NTM: variants seen among roughly 807,000 people sequenced by gnomAD.
NTM encodes IgLON family member 2.
A neutral mutation model predicts 42.1 loss-of-function variants in NTM; 13 were observed. The observed-to-expected ratio is 0.31, with a 90% CI of 0.20 to 0.49. NTM has a LOEUF of 0.49. NTM is among the 20% of genes least tolerant of loss of function. NTM has a pLI of 0.99. For missense variants in NTM, 373 were observed against 452.8 expected (o/e 0.82, Z 1.60); for synonymous variants, 187 against 179.2 (o/e 1.04, Z -0.35).
At chr11:131,593,585 G>C (rs2059570090) in intron 1 of NTM, among the ~76,000 whole-genome samples, 1 of 152,156 alleles carries the variant, frequency 6.6e-6, no homozygotes. Flanking sequence ...TTCCCCATTA[G>C]AGCTTTGTAA....
At chr11:131,736,990 C>G (rs946888345) in intron 1 of NTM, among the ~76,000 whole-genome samples, 5 of 152,218 alleles carry the variant, frequency 3.3e-5, no homozygotes, top group African/African-American at 1.2e-4. Context: ...CATACAGTGA[C>G]TCTCCTCAGG....
chr11:132,300,978 C>T (rs2094825148), intron 4 of NTM, among the ~76,000 whole-genome samples: 1 of 152,136 alleles, frequency 6.6e-6, no homozygotes, highest in African/African-American at 2.4e-5. Flanking sequence ...TGAAGAAGGC[C>T]TTCCCCAGTT....
At chr11:132,082,118 G>A (rs1409529326) in intron 2 of NTM, among the ~76,000 whole-genome samples, 1 of 151,340 alleles carries the variant, frequency 6.6e-6, no homozygotes, top group East Asian at 1.9e-4. Context: ...AAACACTTTT[G>A]TAGGTGGTGA....
intron 1 of NTM, among the ~76,000 whole-genome samples, chr11:131,528,667 T>C (rs1360557498): frequency 6.6e-6 from 1 of 152,310 alleles, no homozygotes; most frequent in East Asian, 1.9e-4. Context: ...ATAATTGAGC[T>C]CATTCTTTTT....
chr11:131,817,370 C>T (rs2092992704), intron 1 of NTM, among the ~76,000 whole-genome samples: 1 of 152,176 alleles, frequency 6.6e-6, no homozygotes, highest in African/African-American at 2.4e-5. Context: ...ATAAAATCAT[C>T]ATTAGAGATT....
chr11:131,797,371 C>T (rs2091682845), intron 1 of NTM, among the ~76,000 whole-genome samples: 1 of 152,202 alleles, frequency 6.6e-6, no homozygotes, highest in African/African-American at 2.4e-5. Flanking sequence ...AAAAAGTGAC[C>T]TGGCTCCTGC....
At chr11:132,110,194 G>C (rs2062977284) in intron 2 of NTM, among the ~76,000 whole-genome samples, 1 of 152,194 alleles carries the variant, frequency 6.6e-6, no homozygotes, top group African/African-American at 2.4e-5. Context: ...TGTCTTTTGT[G>C]TGCTATACCC....
At chr11:131,689,022 T>G (rs547972721) in intron 1 of NTM, among the ~76,000 whole-genome samples, 32 of 151,594 alleles carry the variant, frequency 2.1e-4, no homozygotes, top group African/African-American at 7.8e-4. Context: ...AGTTTTAATT[T>G]TACACGTGCA....
intron 1 of NTM, among the ~76,000 whole-genome samples, chr11:131,436,122 T>C (rs570825246): frequency 6.6e-6 from 1 of 152,340 alleles, no homozygotes; most frequent in Non-Finnish European, 1.5e-5. Flanking sequence ...CAGACTTGCA[T>C]CCCAGGGATG....
At chr11:131,505,747 G>A (rs569294221) in intron 1 of NTM, among the ~76,000 whole-genome samples, 19 of 152,144 alleles carry the variant, frequency 1.2e-4, no homozygotes, top group Admixed American at 1.0e-3. Flanking sequence ...CCCATGATCC[G>A]AAATGCCCAG....
chr11:131,574,803 C>T (rs2057775627), intron 1 of NTM, among the ~76,000 whole-genome samples: 1 of 152,088 alleles, frequency 6.6e-6, no homozygotes, highest in African/African-American at 2.4e-5. Flanking sequence ...GGAAAGCAGC[C>T]TCAAAGTCCC....
intron 1 of NTM, among the ~76,000 whole-genome samples, chr11:131,754,741 T>C (rs941040521): frequency 3.3e-5 from 5 of 152,350 alleles, no homozygotes; most frequent in African/African-American, 9.6e-5. Context: ...ACACAAATGT[T>C]CATAGCAGCT....
intron 1 of NTM, among the ~76,000 whole-genome samples, chr11:131,435,312 T>C (rs979983430): frequency 1.3e-5 from 2 of 152,224 alleles, no homozygotes; most frequent in Non-Finnish European, 2.9e-5. Context: ...AGTAGTTTTT[T>C]CCAATTCTGT....
intron 4 of NTM, among the ~76,000 whole-genome samples, chr11:132,235,678 A>G (rs2088678050): frequency 1.3e-5 from 2 of 152,202 alleles, no homozygotes; most frequent in Non-Finnish European, 2.9e-5. Context: ...TGCCATAAGC[A>G]TCGACATCTG....
intron 2 of NTM, among the ~76,000 whole-genome samples, chr11:132,045,014 C>T (rs2077789278): frequency 6.6e-6 from 1 of 152,100 alleles, no homozygotes; most frequent in African/African-American, 2.4e-5. Flanking sequence ...GGGACTTCTC[C>T]CTAACTCATT....
chr11:132,223,704 A>G (rs74640653), intron 4 of NTM, among the ~76,000 whole-genome samples: 2,616 of 152,382 alleles, frequency 0.017, 40 homozygotes, highest in Non-Finnish European at 0.027. Context: ...ATAAGTGAAT[A>G]AAATAAACAT....
At chr11:132,291,069 C>T (rs182357774) in intron 4 of NTM, among the ~76,000 whole-genome samples, 17 of 152,182 alleles carry the variant, frequency 1.1e-4, no homozygotes, top group African/African-American at 2.6e-4. Context: ...ATGATGGTAT[C>T]GTATGGCCTG....
intron 1 of NTM, among the ~76,000 whole-genome samples, chr11:131,819,529 A>T (rs1049551887): frequency 6.6e-6 from 1 of 152,316 alleles, no homozygotes; most frequent in Non-Finnish European, 1.5e-5. Context: ...ATACATAAAA[A>T]ATCTCCAAAG....
chr11:132,146,163 AT>A lies in NTM; in HGVS notation c.168-118del. 7.0e-7 allele frequency: 1 copy of A among 1,434,200 alleles called. No homozygotes were observed. The highest frequency in any genetic ancestry group is 1.4e-5 in the South Asian group (1 of 70,362). The allele number at this position is 1,434,200 out of a possible 1,614,324, so 88.8% of individuals were successfully genotyped here. On this transcript the variant is annotated intron_variant, in intron 2 of 8. Coordinates refer to ENST00000683400, the MANE Select transcript of NTM (RefSeq NM_001352005.2). This position sits in a 1 kb window ranked among gnomAD's most constrained non-coding sequence, Gnocchi z 4.5. ...GTCCACCCCTGACAAATCAAAGGAA[AT>A]GTATGTGTTGGGGGAAGGGAGAAAG...
Sources: gnomAD v4.1 joint callset for allele counts (sites outside exome capture counted in the v4.1 genomes callset) on GRCh38, gnomAD v4.1.1 for gene constraint, Gnocchi (gnomAD v3.1) non-coding constraint, MANE v1.5 for transcripts, NCBI Gene and HGNC (gene_info 2026-07-23, HGNC 2026-07-21) for gene names.